TRIM37: variants seen among roughly 807,000 people sequenced by gnomAD.
TRIM37 encodes tripartite motif containing 37.
A neutral mutation model predicts 129.8 loss-of-function variants in TRIM37; 80 were observed. That is an observed-to-expected ratio of 0.62 (90% confidence interval 0.51 to 0.74). The LOEUF is 0.74. Among genes scored for constraint, TRIM37 ranks in the 30% least tolerant of loss-of-function variants. The probability of loss-of-function intolerance (pLI) is 0.00; values close to 1 mark genes in which losing one functional copy is unlikely to be tolerated. For missense variants in TRIM37, 1,054 were observed against 1,176.5 expected (o/e 0.90, Z 1.52); for synonymous variants, 389 against 387.1 (o/e 1.00, Z -0.06).
intron 24 of TRIM37, among the ~76,000 whole-genome samples, chr17:58,990,507 T>C (rs1197278093): frequency 1.5e-5 from 2 of 136,946 alleles, no homozygotes; most frequent in Non-Finnish European, 1.6e-5. Flanking sequence ...AAAAAAAAAA[T>C]CAAGGCTGGG....
In TRIM37 at chr17:59,062,445, C is replaced by T. The variant is rs1304501148; in HGVS notation, c.942+122G>A. ...GGGGGAAGAAGGGGAACAGGGAATGCGGACAGCATATGTAACAAAAAAAAG... is the reference window on the plus strand; with the variant it reads ...GGGGGAAGAAGGGGAACAGGGAATGTGGACAGCATATGTAACAAAAAAAAG... On this transcript the variant is annotated intron_variant, in intron 11 of 23. Coordinates refer to ENST00000262294, the MANE Select transcript of TRIM37 (RefSeq NM_015294.6). 23 of 771,392 alleles carry T rather than the reference C, an allele frequency of 3.0e-5. No individual in the cohort carries two copies. In the East Asian group the frequency reaches 4.1e-4, roughly 14 times the overall value. The allele number at this position is 771,392 out of a possible 1,614,324, so 47.8% of individuals were successfully genotyped here.
chr17:58,999,512 G>T, intron 23 of TRIM37, 53 bp from the exon 24 acceptor site: 1 of 1,434,884 alleles, frequency 7.0e-7, no homozygotes, highest in Non-Finnish European at 9.6e-7. Flanking sequence ...TATAACAAGG[G>T]CAGTATTTTC....
At chr17:58,969,762 G>A in the TRIM37 span, 1 of 1,595,374 alleles carries the variant, frequency 6.3e-7, no homozygotes, top group Admixed American at 1.7e-5. Flanking sequence ...AGCTAGAAAT[G>A]TACTAGCTGA....
At chr17:59,098,215 G>C (rs2045094668) in intron 2 of TRIM37, among the ~76,000 whole-genome samples, 1 of 152,176 alleles carries the variant, frequency 6.6e-6, no homozygotes, top group East Asian at 1.9e-4. Context: ...GTTAACAGGG[G>C]CTAGGGGGAA....
chr17:59,015,759 A>T lies in TRIM37; in HGVS notation c.2427T>A (p.Ser809=). 6.2e-7 allele frequency: 1 copy of T among 1,613,842 alleles called. No homozygotes were observed. The highest frequency in any genetic ancestry group is 8.5e-7 in the Non-Finnish European group (1 of 1,180,006). The change falls in exon 21 of 24, where the codon TCT becomes TCA. Residue 809 remains serine (S), a synonymous_variant. Coordinates refer to ENST00000262294, the MANE Select transcript of TRIM37 (RefSeq NM_015294.6). ...TACTGCCATGTATCAAGGCTCGGGGAGAACTGTGCCTGCTCCCAGACTGAG... is the reference window on the plus strand; with the variant it reads ...TACTGCCATGTATCAAGGCTCGGGGTGAACTGTGCCTGCTCCCAGACTGAG... The part of the protein sequence containing the change: ...GSSQSGSRHS[S]PRALIHGSIG...
At chr17:58,979,282 A>T (rs573800343), downstream of TRIM37, among the ~76,000 whole-genome samples, 1 of 152,276 alleles carries the variant, frequency 6.6e-6, no homozygotes, top group Admixed American at 6.5e-5. Context: ...TGTTCTCTAG[A>T]AGTTACAGGT....
At position 59,056,898 on chromosome 17, in the gene TRIM37, T is replaced by G; in HGVS notation, c.1176A>C (p.Pro392=). Residue 392 remains proline (P), a synonymous_variant, in exon 13 of 24, where the codon CCA becomes CCC. Transcript: ENST00000262294. ...DLLANEGYLN[P]QNDTVILRFQ... ...ACCTTAAAATCACTGTATCATTTTG[T>G]GGATTCAAGTATCCTTCATTTGCGA... is the stretch of plus-strand genomic sequence containing the variant. 1.2e-6 allele frequency: 2 copies of G among 1,613,848 alleles called. No homozygotes were observed. The highest frequency in any genetic ancestry group is 1.7e-6 in the Non-Finnish European group (2 of 1,179,906).
At chr17:59,023,813 A>C (rs1251637598) in intron 19 of TRIM37, among the ~76,000 whole-genome samples, 1 of 152,204 alleles carries the variant, frequency 6.6e-6, no homozygotes, top group African/African-American at 2.4e-5. Context: ...TGCCTAGACA[A>C]TGCAATACAA....
Position 59,062,654 on chromosome 17 carries a change from G to A in TRIM37, c.861-6C>T, listed in dbSNP as rs145324030. 0.014 allele frequency: 23,315 copies of A among 1,613,316 alleles called. 292 individuals are homozygous for A. The highest frequency in any genetic ancestry group is 0.055 in the Middle Eastern group (335 of 6,060). On this transcript the variant is annotated splice_region_variant and splice_polypyrimidine_tract_variant and intron_variant, in intron 10 of 23. Coordinates refer to ENST00000262294, the MANE Select transcript of TRIM37 (RefSeq NM_015294.6). Reference sequence around the variant, plus strand: ...CTGCTCTCTGACGCAAAGTGCTAACGAAAAAGAAAACCAACCAAATCCCAA... The same window carrying A: ...CTGCTCTCTGACGCAAAGTGCTAACAAAAAAGAAAACCAACCAAATCCCAA...
intron 24 of TRIM37, among the ~76,000 whole-genome samples, chr17:58,988,677 G>A (rs890211589): frequency 1.3e-5 from 2 of 152,100 alleles, no homozygotes; most frequent in Non-Finnish European, 2.9e-5. Context: ...GGACAGCAGA[G>A]CAACGGAAGC....
chr17:59,014,624 A>C (rs2035679878), intron 21 of TRIM37, among the ~76,000 whole-genome samples: 1 of 152,000 alleles, frequency 6.6e-6, no homozygotes, highest in Non-Finnish European at 1.5e-5. Context: ...AAGTTGCTGT[A>C]AGTGCTTTGT....
At chr17:59,001,199 CAAAA>C (rs537326649) in intron 23 of TRIM37, among the ~76,000 whole-genome samples, 6 of 57,444 alleles carry the variant, frequency 1.0e-4, no homozygotes, top group Admixed American at 2.0e-4. Flanking sequence ...CATCTCGGGG[CAAAA>C]AAAAAAAAAA....
chr17:59,031,507 C>T (rs1326955395), intron 18 of TRIM37, among the ~76,000 whole-genome samples: 2 of 152,222 alleles, frequency 1.3e-5, no homozygotes, highest in Admixed American at 1.3e-4. Flanking sequence ...AGCTACTGAA[C>T]ATCAAAGAAT....
chr17:58,996,353 C>T (rs1283491070), downstream of TRIM37, among the ~76,000 whole-genome samples: 4 of 151,480 alleles, frequency 2.6e-5, no homozygotes, highest in Non-Finnish European at 4.4e-5. Flanking sequence ...GCCTGTAATC[C>T]CAGCTATTTG....
intron 19 of TRIM37, 27 bp from the exon 20 acceptor site, chr17:59,017,451 G>A: frequency 6.2e-7 from 1 of 1,613,480 alleles, no homozygotes; most frequent in Non-Finnish European, 8.5e-7. Context: ...GAACACCTCT[G>A]AATAGGCTAC....
rs1021286743 is a variant in TRIM37, at chr17:58,998,414, T to C, written c.*963A>G. On this transcript the variant is annotated 3_prime_UTR_variant, in exon 24 of 24. Transcript: ENST00000262294. ...CAACTTTCAGTGTAATTTCCACAAA[T>C]ATATAGCAGCTCAAACACAAATGCA... The C allele has an allele frequency of 3.0e-6, 3 of 985,288 alleles. No homozygotes were observed. Among genetic ancestry groups the C allele is most frequent in the Non-Finnish European group, 3.6e-6 (3 of 829,910 alleles). The allele number at this position is 985,288 out of a possible 1,614,324, so 61.0% of individuals were successfully genotyped here.
chr17:59,036,024 G>C (rs1207160783), intron 17 of TRIM37, among the ~76,000 whole-genome samples: 4 of 152,086 alleles, frequency 2.6e-5, no homozygotes, highest in Non-Finnish European at 4.4e-5. Context: ...CCTTCACTTT[G>C]TTACAAATTA....
chr17:59,091,582 ATAATATATTATACAT>A (rs2044369325), intron 2 of TRIM37, among the ~76,000 whole-genome samples: 1 of 116,146 alleles, frequency 8.6e-6, no homozygotes, highest in Non-Finnish European at 1.7e-5. Context: ...TATATAATGT[ATAATATATTATACAT>A]TATATATATA....
chr17:58,972,315 ATTAGT>A, the TRIM37 span: 2 of 1,559,290 alleles, frequency 1.3e-6, no homozygotes, highest in Non-Finnish European at 1.7e-6. Flanking sequence ...TGCTCTAGTT[ATTAGT>A]TTAGATTTTC....
Sources: allele counts gnomAD v4.1 joint callset (sites outside exome capture counted in the v4.1 genomes callset), GRCh38; gene constraint gnomAD v4.1.1; transcripts MANE v1.5; gene names NCBI Gene and HGNC (gene_info 2026-07-23, HGNC 2026-07-21).